MAP6: variants seen among roughly 807,000 people sequenced by gnomAD.
MAP6 encodes the protein microtubule associated protein 6.
A neutral mutation model predicts 42.4 loss-of-function variants in MAP6; 26 were observed. The observed-to-expected ratio is 0.61, with a 90% CI of 0.45 to 0.85. MAP6 has a LOEUF of 0.85. Ranked by LOEUF, MAP6 falls within the 40% of genes least tolerant of loss-of-function variation. The pLI is 0.00. For missense variants in MAP6, 966 were observed against 1,099.0 expected (o/e 0.88, Z 1.71); for synonymous variants, 418 against 443.8 (o/e 0.94, Z 0.73).
At chr11:75,639,526 C>T (rs894603500) in intron 1 of MAP6, among the ~76,000 whole-genome samples, 2 of 152,152 alleles carry the variant, frequency 1.3e-5, no homozygotes, top group African/African-American at 4.8e-5. Flanking sequence ...GTCATTTTGG[C>T]CTCAAGCACT....
intron 1 of MAP6, among the ~76,000 whole-genome samples, chr11:75,624,364 A>G (rs1340424016): frequency 6.6e-6 from 1 of 152,140 alleles, no homozygotes; most frequent in African/African-American, 2.4e-5. Flanking sequence ...TGGCTGCACC[A>G]CTTCCTTAAT....
intron 1 of MAP6, among the ~76,000 whole-genome samples, chr11:75,609,358 G>T (rs1345822639): frequency 6.6e-6 from 1 of 152,174 alleles, no homozygotes; most frequent in African/African-American, 2.4e-5. Context: ...GGGAAAGGAG[G>T]AGTTAGGGCA....
rs1472768892 is a variant in MAP6, at chr11:75,668,417, G to C, written c.-48C>G. ...TCCTCTTTCTTCTTGTGGTTCTAAA[G>C]CAAGTCTCTATAATCTTCCTTCAGC... On this transcript the variant is annotated 5_prime_UTR_variant, in exon 1 of 4. Transcript: ENST00000304771. 1.3e-6 allele frequency: 2 copies of C among 1,549,242 alleles called. No homozygotes were observed. Among genetic ancestry groups the C allele is most frequent in the South Asian group, 2.3e-5 (2 of 87,068 alleles).
rs567244298 is a variant in MAP6, at chr11:75,617,333, A to G, written c.906-9011T>C. Among the ~76,000 whole-genome samples the G allele has an allele frequency of 5.9e-5, 9 of 152,154 alleles. No homozygotes were observed. In the South Asian group the frequency reaches 1.9e-3, roughly 32 times the overall value. The stretch of plus-strand genomic sequence containing the variant: ...GGAGTTCGAGACCAGCCTGGCCAAC[A>G]TGGTAAAACCCCCTCTCTACCAAAA... On this transcript the variant is annotated intron_variant, in intron 1 of 3. Transcript: ENST00000304771.
At chr11:75,639,257 TCC>T (rs1270070784) in intron 1 of MAP6, among the ~76,000 whole-genome samples, 1 of 152,152 alleles carries the variant, frequency 6.6e-6, no homozygotes, top group African/African-American at 2.4e-5. Context: ...ACCTAATATA[TCC>T]ATGTAACCAA....
At position 75,604,654 on chromosome 11, in the gene MAP6, G is replaced by A. The variant is rs1359296019; in HGVS notation, c.1316+1154C>T. On this transcript the variant is annotated intron_variant, in intron 3 of 3. Coordinates refer to ENST00000304771, the MANE Select transcript of MAP6 (RefSeq NM_033063.2). The stretch of plus-strand genomic sequence containing the variant: ...TCCTACAACACAACTCTAGCACAGC[G>A]AAGGTGGCACTTGCCACCCTTGGGG... 6.1e-6 allele frequency: 6 copies of A among 985,018 alleles called. No homozygotes were observed. The Admixed American group carries it at 1.8e-4, about 30-fold the overall frequency. 61.0% of individuals were successfully genotyped at this position (985,018 alleles called of 1,614,324 possible). A position where few individuals can be genotyped will look rare whatever the true frequency, so the allele number is the denominator to read the frequency against.
At chr11:75,665,873 CAA>C (rs995601538) in intron 1 of MAP6, among the ~76,000 whole-genome samples, 1 of 151,934 alleles carries the variant, frequency 6.6e-6, no homozygotes, top group Non-Finnish European at 1.5e-5. Context: ...AGCAATAAAC[CAA>C]GAGAGAGATG....
Position 75,587,745 on chromosome 11 carries a change from G to C in MAP6, c.1756C>G (p.Pro586Ala). 1 of 1,609,170 alleles carries C rather than the reference G, an allele frequency of 6.2e-7. No homozygotes were observed. Among genetic ancestry groups the C allele is most frequent in the Non-Finnish European group, 8.5e-7 (1 of 1,177,216 alleles). ...MVPAPVKDEG[P>A]MVSASVKDQG... Reference sequence around the variant, plus strand: ...TCCTTGACAGATGCTGAGACCATGGGACCTTCATCCTTGACAGGTGCTGGG... The same window carrying C: ...TCCTTGACAGATGCTGAGACCATGGCACCTTCATCCTTGACAGGTGCTGGG... The change falls in exon 4 of 4, where the codon CCC (proline) becomes GCC (alanine). Residue 586 changes from proline to alanine, a missense_variant. Physicochemically the swap from Pro to Ala is conservative, Grantham distance 27 (BLOSUM62 -1). Transcript: ENST00000304771.
chr11:75,609,269 G>A (rs1280672405), intron 1 of MAP6, among the ~76,000 whole-genome samples: 1 of 152,204 alleles, frequency 6.6e-6, no homozygotes, highest in Non-Finnish European at 1.5e-5. Flanking sequence ...AAGTGCACGA[G>A]AGTCAATGCA....
chr11:75,602,666 C>T (rs748680601), intron 3 of MAP6, among the ~76,000 whole-genome samples: 11 of 152,192 alleles, frequency 7.2e-5, no homozygotes, highest in African/African-American at 1.2e-4. Context: ...GGTCCATCTT[C>T]GCTTTCCCAA....
intron 1 of MAP6, 98 bp from the exon 2 acceptor site, chr11:75,608,420 G>T: frequency 2.2e-6 from 2 of 913,994 alleles, no homozygotes; most frequent in Non-Finnish European, 3.5e-6. Context: ...CTCCATCAGT[G>T]CTTGCAGCAT....
chr11:75,595,391 G>GC (rs1468550426), intron 3 of MAP6, among the ~76,000 whole-genome samples: 4 of 152,184 alleles, frequency 2.6e-5, no homozygotes, highest in Non-Finnish European at 5.9e-5. Flanking sequence ...AGTAACACAA[G>GC]CCCCACAACA....
chr11:75,660,377 T>A (rs949239980), intron 1 of MAP6, among the ~76,000 whole-genome samples: 1 of 152,194 alleles, frequency 6.6e-6, no homozygotes, highest in Non-Finnish European at 1.5e-5. Context: ...TCTTGTTAGA[T>A]ATCCCATAGA....
chr11:75,633,520 T>TA (rs1943317525), intron 1 of MAP6, among the ~76,000 whole-genome samples: 1 of 152,198 alleles, frequency 6.6e-6, no homozygotes, highest in South Asian at 2.1e-4. Flanking sequence ...AGCAGTGACT[T>TA]ACATTCCAAT....
chr11:75,650,646 A>G (rs1203241804), intron 1 of MAP6, among the ~76,000 whole-genome samples: 2 of 152,138 alleles, frequency 1.3e-5, no homozygotes, highest in Non-Finnish European at 2.9e-5. Flanking sequence ...AACTGCAAGG[A>G]CCTAAGAGTT....
rs148391389 is a variant in MAP6 at position 75,649,855 on chromosome 11, G to A, written c.905+17610C>T. On this transcript the variant is annotated intron_variant, in intron 1 of 3. Coordinates refer to ENST00000304771, the MANE Select transcript of MAP6 (RefSeq NM_033063.2). ...CACCCAGCCTCAAATATAATAAAAC[G>A]TTAATTTTTAAAATTATGGATAGTG... Among the ~76,000 whole-genome samples the A allele has an allele frequency of 5.9e-5, 9 of 152,004 alleles. No homozygotes were observed. The East Asian group carries it at 1.7e-3, about 29-fold the overall frequency.
intron 1 of MAP6, among the ~76,000 whole-genome samples, chr11:75,650,668 G>A (rs180818157): frequency 2.6e-4 from 39 of 152,118 alleles, no homozygotes; most frequent in African/African-American, 8.9e-4. Context: ...ACACATGTTC[G>A]TATCCTATAT....
At chr11:75,626,292 T>G (rs1374930311) in intron 1 of MAP6, among the ~76,000 whole-genome samples, 5 of 152,182 alleles carry the variant, frequency 3.3e-5, no homozygotes, top group Admixed American at 2.0e-4. Flanking sequence ...GACAGACATC[T>G]GAACACTTTC....
chr11:75,601,147 C>G (rs1590757395), intron 3 of MAP6, among the ~76,000 whole-genome samples: 1 of 152,290 alleles, frequency 6.6e-6, no homozygotes, highest in Admixed American at 6.5e-5. Context: ...TGCCTTCCTG[C>G]CTTCTCCATT....
Sources: allele counts gnomAD v4.1 joint callset (sites outside exome capture counted in the v4.1 genomes callset), GRCh38; gene constraint gnomAD v4.1.1; transcripts MANE v1.5; gene names NCBI Gene and HGNC (gene_info 2026-07-23, HGNC 2026-07-21).